Variants in TEAD4 observed in about 807,000 individuals in gnomAD.
The protein encoded by TEAD4 is TEA domain transcription factor 4, also known as transcriptional enhancer factor TEF-3.
TEAD4 carries 36 observed loss-of-function variants against 52.4 expected under a neutral mutation model. The ratio of observed to expected loss-of-function variants is 0.69; its 90% CI spans 0.53 to 0.91. The LOEUF is 0.91. TEAD4 is among the 40% of genes least tolerant of loss of function. The pLI is 0.00. For synonymous variants in TEAD4, 220 were observed against 231.0 expected (o/e 0.95, Z 0.43); for missense variants, 508 against 583.9 (o/e 0.87, Z 1.34).
chr12:2,972,183 A>G (rs934264663), intron 2 of TEAD4, among the ~76,000 whole-genome samples: 25 of 152,112 alleles, frequency 1.6e-4, no homozygotes, highest in African/African-American at 5.8e-4. Flanking sequence ...GGTTCAAGCA[A>G]TCCTCCTGCC....
At chr12:3,035,492 A>C (rs2098278795) in intron 10 of TEAD4, among the ~76,000 whole-genome samples, 1 of 152,208 alleles carries the variant, frequency 6.6e-6, no homozygotes, top group Non-Finnish European at 1.5e-5. Flanking sequence ...CAGTCTGACA[A>C]AGTCAGTCTC....
chr12:3,031,528 G>A (rs2098275534), intron 10 of TEAD4, among the ~76,000 whole-genome samples: 1 of 152,182 alleles, frequency 6.6e-6, no homozygotes, highest in East Asian at 1.9e-4. Context: ...TTCACAAGTA[G>A]GGGAAACTGA....
rs751852771 is a variant in TEAD4 at position 2,972,491 on chromosome 12, CTTTTTTTTTTTT to C, written c.-30+12465_-30+12476del. ...TTATTTAGACTCAGGCAGCATGTCT[CTTTTTTTTTTTT>C]TTTTTTTTTTTTTGAGACAGAGTTT... On this transcript the variant is annotated intron_variant, in intron 2 of 12. Transcript: ENST00000359864. Among the ~76,000 whole-genome samples, 5 of 34,794 alleles carry C rather than the reference CTTTTTTTTTTTT, an allele frequency of 1.4e-4. No homozygotes were observed. The East Asian group carries it at 3.2e-3, about 22-fold the overall frequency. The allele number at this position is 34,794 out of a possible 152,430, so 22.8% of individuals were successfully genotyped here.
intron 5 of TEAD4, among the ~76,000 whole-genome samples, chr12:3,012,827 C>T (rs2098261428): frequency 6.6e-6 from 1 of 152,108 alleles, no homozygotes; most frequent in South Asian, 2.1e-4. Context: ...GAACCAGGGG[C>T]CTTTGGGTGA....
intron 10 of TEAD4, among the ~76,000 whole-genome samples, chr12:3,027,035 C>G (rs2098272513): frequency 2.0e-5 from 3 of 152,258 alleles, no homozygotes; most frequent in South Asian, 4.1e-4. Context: ...CTGTGTTGCC[C>G]AGGTTGGAGT....
chr12:2,966,417 CTT>C (rs113319820), intron 2 of TEAD4, among the ~76,000 whole-genome samples: 9 of 143,176 alleles, frequency 6.3e-5, no homozygotes, highest in Admixed American at 7.0e-5. Context: ...CTTTTTCTTT[CTT>C]TTTTTTTTTT....
At chr12:3,038,148 G>A (rs1031741290) in intron 11 of TEAD4, 40 bp downstream of exon 11, 1 of 1,593,802 alleles carries the variant, frequency 6.3e-7, no homozygotes, top group Non-Finnish European at 8.6e-7. Context: ...GGTGGCAGTG[G>A]TCTGTGTTTG....
At chr12:2,962,595 A>G (rs750351846) in intron 2 of TEAD4, among the ~76,000 whole-genome samples, 2 of 151,858 alleles carry the variant, frequency 1.3e-5, no homozygotes, top group African/African-American at 2.4e-5. Context: ...TTGGCCTCCT[A>G]AAGTGCTGAG....
chr12:3,000,257 T>C (rs961347810), intron 3 of TEAD4, among the ~76,000 whole-genome samples: 1 of 152,228 alleles, frequency 6.6e-6, no homozygotes, highest in Non-Finnish European at 1.5e-5. Flanking sequence ...AGTGCTTGTC[T>C]TGGTCTGTTT....
At chr12:3,027,621 C>T (rs924747089) in intron 10 of TEAD4, among the ~76,000 whole-genome samples, 6 of 152,216 alleles carry the variant, frequency 3.9e-5, no homozygotes, top group African/African-American at 1.4e-4. Flanking sequence ...AACCCCTACA[C>T]TTTGGGAGGA....
intron 2 of TEAD4, among the ~76,000 whole-genome samples, chr12:2,966,574 C>A (rs1476320129): frequency 6.6e-6 from 1 of 151,306 alleles, no homozygotes; most frequent in Non-Finnish European, 1.5e-5. Context: ...CCATGCCCAG[C>A]TAATTTTTTT....
In TEAD4 at chr12:2,986,655, A is replaced by T. The variant is rs530264940; in HGVS notation, c.-29-8083A>T. 1.3e-3 allele frequency among the ~76,000 whole-genome samples: 193 copies of T among 148,416 alleles called. 1 individual carries two copies. The highest frequency in any genetic ancestry group is 3.6e-3 in the African/African-American group (148 of 40,670). ...ACTCTGTCTCAAAAAATAAAAAAAA[A>T]TAAATAAATAAAATAGATATAATAA... On this transcript the variant is annotated intron_variant, in intron 2 of 12. Coordinates refer to ENST00000359864, the MANE Select transcript of TEAD4 (RefSeq NM_003213.4).
At chr12:3,008,825 T>C (rs2098257918) in intron 3 of TEAD4, among the ~76,000 whole-genome samples, 1 of 152,166 alleles carries the variant, frequency 6.6e-6, no homozygotes, top group Non-Finnish European at 1.5e-5. Flanking sequence ...CGATATCCTG[T>C]GTGCAAGGGA....
chr12:2,988,263 A>G (rs1216804726), intron 2 of TEAD4, among the ~76,000 whole-genome samples: 1 of 152,074 alleles, frequency 6.6e-6, no homozygotes, highest in Non-Finnish European at 1.5e-5. Context: ...CTGTAATCCC[A>G]GCACTTTGGG....
At chr12:2,974,254 C>T (rs1041455100) in intron 2 of TEAD4, among the ~76,000 whole-genome samples, 5 of 152,200 alleles carry the variant, frequency 3.3e-5, no homozygotes, top group South Asian at 2.1e-4. Flanking sequence ...CCACCTGCCT[C>T]GGCCTCCCAA....
intron 3 of TEAD4, among the ~76,000 whole-genome samples, chr12:3,010,102 C>A (rs889636729): frequency 6.6e-6 from 1 of 152,206 alleles, no homozygotes; most frequent in Admixed American, 6.5e-5. Flanking sequence ...GATGCTTCTC[C>A]GTATGGTTTA....
At chr12:2,983,895 TGTG>T (rs1335418988) in intron 2 of TEAD4, among the ~76,000 whole-genome samples, 5 of 152,110 alleles carry the variant, frequency 3.3e-5, no homozygotes, top group African/African-American at 1.2e-4. Context: ...GTGTCTAAAG[TGTG>T]GTGGAGACCA....
At chr12:3,036,819 C>G (rs2098279699) in intron 10 of TEAD4, among the ~76,000 whole-genome samples, 1 of 152,184 alleles carries the variant, frequency 6.6e-6, no homozygotes, top group Admixed American at 6.5e-5. Context: ...ATTCCTGCCT[C>G]AGAGTCCCCA....
At chr12:3,010,707 G>A (rs2098259586) in intron 3 of TEAD4, among the ~76,000 whole-genome samples, 1 of 152,206 alleles carries the variant, frequency 6.6e-6, no homozygotes, top group Non-Finnish European at 1.5e-5. Context: ...GTGAGGAACG[G>A]TACCGGGGGT....
Sources: gnomAD v4.1 joint callset for allele counts (sites outside exome capture counted in the v4.1 genomes callset) on GRCh38, gnomAD v4.1.1 for gene constraint, MANE v1.5 for transcripts, NCBI Gene and HGNC (gene_info 2026-07-23, HGNC 2026-07-21) for gene names.